Variants in MKLN1 observed in about 807,000 individuals in gnomAD.
MKLN1 encodes the protein muskelin.
Under a neutral mutation model 99.0 loss-of-function variants are expected in MKLN1, and 18 were observed. The observed-to-expected ratio is 0.18, with a 90% confidence interval of 0.13 to 0.27. The LOEUF (loss-of-function observed/expected upper bound fraction) is 0.27. MKLN1 is among the 10% of genes least tolerant of loss of function. The pLI, the probability that MKLN1 is intolerant of heterozygous loss-of-function variation, is 1.00. For missense variants in MKLN1, 621 were observed against 875.9 expected (o/e 0.71, Z 3.67); for synonymous variants, 288 against 293.2 (o/e 0.98, Z 0.18).
chr7:131,159,140 C>T (rs1388853661), intron 2 of MKLN1, among the ~76,000 whole-genome samples: 1 of 152,082 alleles, frequency 6.6e-6, no homozygotes, highest in South Asian at 2.1e-4. Flanking sequence ...TTGCAGTAAG[C>T]CGAGATCGTG....
chr7:131,204,794 C>T (rs1032699861), intron 3 of MKLN1, among the ~76,000 whole-genome samples: 2 of 152,168 alleles, frequency 1.3e-5, no homozygotes, highest in Admixed American at 6.5e-5. Flanking sequence ...ATTAGCCAGG[C>T]GTGGTGGCAG....
chr7:131,433,000 TTAATC>T (rs1435846389), intron 9 of MKLN1, among the ~76,000 whole-genome samples: 1 of 152,196 alleles, frequency 6.6e-6, no homozygotes, highest in African/African-American at 2.4e-5. Context: ...AACTGCTGCT[TTAATC>T]TAATCCACAG....
At chr7:131,197,744 CCTAATAGTATAA>C (rs1335412458) in intron 2 of MKLN1, among the ~76,000 whole-genome samples, 1 of 151,700 alleles carries the variant, frequency 6.6e-6, no homozygotes, top group Non-Finnish European at 1.5e-5. Flanking sequence ...ACAGTAATAA[CCTAATAGTATAA>C]CTAATAGTAT....
chr7:131,477,650 TTAGA>T (rs1797005501), intron 16 of MKLN1, among the ~76,000 whole-genome samples: 1 of 152,236 alleles, frequency 6.6e-6, no homozygotes, highest in South Asian at 2.1e-4. Flanking sequence ...TAACTCTTGC[TTAGA>T]TAAATACCTA....
chr7:131,251,721 G>A (rs993300525), intron 3 of MKLN1, among the ~76,000 whole-genome samples: 1 of 151,160 alleles, frequency 6.6e-6, no homozygotes, highest in Admixed American at 6.6e-5. Context: ...CCAGATTGGA[G>A]TGCAATGGTG....
intron 2 of MKLN1, among the ~76,000 whole-genome samples, chr7:131,199,256 TAAA>T (rs71769046): frequency 0.043 from 6,207 of 145,038 alleles, 415 homozygotes; most frequent in African/African-American, 0.15. Context: ...GAACTCACAT[TAAA>T]AAAAAAAAAA....
chr7:131,361,923 C>A (rs1284771558), intron 1 of MKLN1, among the ~76,000 whole-genome samples: 1 of 151,924 alleles, frequency 6.6e-6, no homozygotes, highest in African/African-American at 2.4e-5. Flanking sequence ...TTTCATGTAA[C>A]CAGATTTTAT....
intron 3 of MKLN1, among the ~76,000 whole-genome samples, chr7:131,213,914 T>C (rs1470314887): frequency 1.3e-5 from 2 of 152,198 alleles, no homozygotes; most frequent in East Asian, 1.9e-4. Context: ...TTTTTCTTGA[T>C]GGTCTCTTTT....
chr7:131,441,463 C>T (rs1029966848), intron 10 of MKLN1, among the ~76,000 whole-genome samples: 4 of 152,112 alleles, frequency 2.6e-5, no homozygotes, highest in Non-Finnish European at 4.4e-5. Context: ...AAATATCTAA[C>T]TCCTGACATA....
intron 3 of MKLN1, among the ~76,000 whole-genome samples, chr7:131,260,479 C>G (rs191197128): frequency 6.6e-6 from 1 of 152,210 alleles, no homozygotes; most frequent in Admixed American, 6.5e-5. Context: ...AGAGATGACA[C>G]AAATGAAAAA....
At chr7:131,113,612 A>T (rs1795228574) in intron 1 of MKLN1, among the ~76,000 whole-genome samples, 1 of 150,290 alleles carries the variant, frequency 6.7e-6, no homozygotes. Flanking sequence ...GCTTGAGCTC[A>T]AGAGTTTGAG....
At chr7:131,457,525 G>T (rs936447737) in intron 12 of MKLN1, among the ~76,000 whole-genome samples, 2 of 152,132 alleles carry the variant, frequency 1.3e-5, no homozygotes, top group Non-Finnish European at 2.9e-5. Context: ...AGGGAAAAAA[G>T]ATAAAGAAAT....
chr7:131,166,756 G>A (rs13232114), intron 2 of MKLN1, among the ~76,000 whole-genome samples: 46,865 of 152,014 alleles, frequency 0.31, 8,532 homozygotes, highest in Non-Finnish European at 0.42. Flanking sequence ...CACGATCTCG[G>A]CTCACTGCAA....
intron 3 of MKLN1, among the ~76,000 whole-genome samples, chr7:131,261,247 C>T (rs377323006): frequency 7.9e-5 from 12 of 152,176 alleles, no homozygotes; most frequent in East Asian, 7.7e-4. Context: ...ACTATGCATC[C>T]GGCAAAGGTC....
At chr7:131,350,226 CTTT>C (rs757358062) in intron 1 of MKLN1, among the ~76,000 whole-genome samples, 2 of 140,304 alleles carry the variant, frequency 1.4e-5, no homozygotes, top group Non-Finnish European at 1.6e-5. Flanking sequence ...TATTTAAAAT[CTTT>C]TTTTTTTTTT....
intron 3 of MKLN1, among the ~76,000 whole-genome samples, chr7:131,291,027 A>G (rs1292035328): frequency 6.6e-6 from 1 of 152,148 alleles, no homozygotes; most frequent in Non-Finnish European, 1.5e-5. Context: ...CAAATCACAT[A>G]CCTAATAGGT....
chr7:131,233,876 T>G (rs867490284), intron 3 of MKLN1, among the ~76,000 whole-genome samples: 1 of 152,166 alleles, frequency 6.6e-6, no homozygotes, highest in African/African-American at 2.4e-5. Context: ...ACCAGAGTTA[T>G]GTTTTTTCTA....
intron 3 of MKLN1, among the ~76,000 whole-genome samples, chr7:131,302,645 C>T (rs1317092454): frequency 6.6e-6 from 1 of 152,178 alleles, no homozygotes; most frequent in Admixed American, 6.5e-5. Flanking sequence ...TCCTGGGATT[C>T]CTGCCCGCCT....
chr7:131,338,127 C>T (rs1385744520), intron 1 of MKLN1, among the ~76,000 whole-genome samples: 1 of 152,096 alleles, frequency 6.6e-6, no homozygotes, highest in East Asian at 1.9e-4. Context: ...CTTTCCAGAC[C>T]CATGAGAGTT....
Sources: allele counts gnomAD v4.1 joint callset (sites outside exome capture counted in the v4.1 genomes callset), GRCh38; gene constraint gnomAD v4.1.1; transcripts MANE v1.5; gene names NCBI Gene and HGNC (gene_info 2026-07-23, HGNC 2026-07-21).